Variants in SPATA6 observed in about 807,000 individuals in gnomAD.
SPATA6 encodes spermatogenesis-associated protein 6.
In SPATA6, 56 loss-of-function variants were observed where a neutral mutation model predicts 65.3. The ratio of observed to expected loss-of-function variants is 0.86; its 90% CI spans 0.69 to 1.07. SPATA6 has a LOEUF of 1.07. SPATA6 is among the 50% of genes least tolerant of loss of function. The pLI is 0.00. For synonymous variants in SPATA6, 199 were observed against 213.2 expected (o/e 0.93, Z 0.58); for missense variants, 590 against 594.8 (o/e 0.99, Z 0.08).
chr1:48,332,610 T>C (rs768871986), intron 11 of SPATA6, among the ~76,000 whole-genome samples: 14 of 152,122 alleles, frequency 9.2e-5, no homozygotes, highest in Non-Finnish European at 1.8e-4. Context: ...AGACTTAGAC[T>C]CCCACAGAAT....
intron 1 of SPATA6, among the ~76,000 whole-genome samples, chr1:48,457,808 G>GA (rs539722877): frequency 2.0e-4 from 31 of 151,948 alleles, no homozygotes; most frequent in Admixed American, 5.2e-4. Context: ...ACATTAAGAA[G>GA]AAAAAAGAGC....
Position 48,355,777 on chromosome 1 carries a change from C to T in SPATA6, c.1095-8G>A, listed in dbSNP as rs746921544. The T allele has an allele frequency of 1.2e-6, 2 of 1,602,210 alleles. No individual in the cohort carries two copies. The highest frequency in any genetic ancestry group is 1.7e-6 in the Non-Finnish European group (2 of 1,173,906). ...CACCAATCAGAATGAAATCTGTAGG[C>T]AAAAAATAAGTTTTATTTTTGTTAC... On this transcript the variant is annotated splice_region_variant and splice_polypyrimidine_tract_variant and intron_variant, in intron 10 of 12. Transcript: ENST00000371847.
At chr1:48,289,345 C>T in the SPATA6 span, among the ~76,000 whole-genome samples, 15 of 152,210 alleles carry the variant, frequency 9.9e-5, no homozygotes, top group East Asian at 2.9e-3. Context: ...CCCATCTGTA[C>T]ATCACCATCA....
At chr1:48,445,813 A>G (rs1303333326) in intron 3 of SPATA6, among the ~76,000 whole-genome samples, 1 of 152,142 alleles carries the variant, frequency 6.6e-6, no homozygotes, top group Non-Finnish European at 1.5e-5. Flanking sequence ...AGTATGGAAC[A>G]CAGACCTCTT....
chr1:48,275,652 G>A, the SPATA6 span, among the ~76,000 whole-genome samples: 4 of 151,986 alleles, frequency 2.6e-5, no homozygotes, highest in Admixed American at 1.3e-4. Flanking sequence ...TGATTGATTC[G>A]CATATGTTTT....
chr1:48,444,693 G>A (rs1421731986), intron 3 of SPATA6, among the ~76,000 whole-genome samples: 1 of 152,224 alleles, frequency 6.6e-6, no homozygotes, highest in Non-Finnish European at 1.5e-5. Flanking sequence ...CTTCCATGCT[G>A]TGGAAGCTTT....
intron 11 of SPATA6, among the ~76,000 whole-genome samples, chr1:48,339,809 C>T (rs1474882605): frequency 4.0e-5 from 6 of 151,580 alleles, no homozygotes; most frequent in Admixed American, 2.0e-4. Flanking sequence ...AATTGAACAC[C>T]CGAAGAGTAA....
chr1:48,435,914 T>C, intron 3 of SPATA6: 1 of 1,537,518 alleles, frequency 6.5e-7, no homozygotes, highest in African/African-American at 1.4e-5. Context: ...AACAAAAGCC[T>C]TCTTTGGAAT....
intron 11 of SPATA6, among the ~76,000 whole-genome samples, chr1:48,336,390 C>A (rs1350593796): frequency 6.6e-6 from 1 of 152,054 alleles, no homozygotes; most frequent in Non-Finnish European, 1.5e-5. Flanking sequence ...AACTGCCCAT[C>A]AACAGTAGAC....
intron 10 of SPATA6, among the ~76,000 whole-genome samples, chr1:48,356,334 T>C (rs752680157): frequency 7.9e-5 from 12 of 151,942 alleles, no homozygotes; most frequent in Non-Finnish European, 1.6e-4. Context: ...CTCTTTTGTA[T>C]GCCCTTCTCA....
intron 3 of SPATA6, among the ~76,000 whole-genome samples, chr1:48,445,942 T>C (rs1656008861): frequency 6.6e-6 from 1 of 152,134 alleles, no homozygotes; most frequent in African/African-American, 2.4e-5. Context: ...CAATTATAAA[T>C]GTATAAGCAA....
At chr1:48,395,611 T>C (rs1169265478) in intron 7 of SPATA6, among the ~76,000 whole-genome samples, 1 of 151,974 alleles carries the variant, frequency 6.6e-6, no homozygotes, top group Non-Finnish European at 1.5e-5. Context: ...AGACTTGGAA[T>C]TGAAATGTTT....
chr1:48,380,676 CAAT>C (rs1335364430), intron 9 of SPATA6, among the ~76,000 whole-genome samples: 16 of 152,122 alleles, frequency 1.1e-4, no homozygotes, highest in Non-Finnish European at 2.4e-4. Context: ...TAGGTACTAC[CAAT>C]TATTATCAAT....
intron 8 of SPATA6, among the ~76,000 whole-genome samples, chr1:48,391,182 T>C (rs1022322468): frequency 3.8e-5 from 5 of 131,638 alleles, no homozygotes; most frequent in Non-Finnish European, 7.9e-5. Context: ...CTAGGCAACA[T>C]GGTGAAACCC....
At chr1:48,374,006 T>A (rs1030429393) in intron 9 of SPATA6, among the ~76,000 whole-genome samples, 2 of 152,186 alleles carry the variant, frequency 1.3e-5, no homozygotes, top group African/African-American at 4.8e-5. Context: ...ATAATTTCCA[T>A]GCACAGTCTA....
intron 3 of SPATA6, among the ~76,000 whole-genome samples, chr1:48,445,124 G>T (rs780905762): frequency 4.6e-5 from 7 of 152,102 alleles, no homozygotes; most frequent in Non-Finnish European, 8.8e-5. Flanking sequence ...TTCCACATTG[G>T]TTCAATAATT....
In SPATA6 at chr1:48,413,135, G is replaced by A. The variant is rs866172896; in HGVS notation, c.255C>T (p.Phe85=). 1.4e-5 allele frequency: 20 copies of A among 1,395,976 alleles called. No individual in the cohort carries two copies. The highest frequency in any genetic ancestry group is 2.2e-4 in the Middle Eastern group (1 of 4,606). 86.5% of individuals were successfully genotyped at this position (1,395,976 alleles called of 1,614,324 possible). Residue 85 remains phenylalanine, a synonymous_variant, in exon 4 of 13, where the codon TTC becomes TTT. Transcript: ENST00000371847. ...CTGGTGGAACTAGCTGTATCAACTC[G>A]AACACTGCTGTATCATCTAAAAGTT... ...VTQLEYDTAV[F]ELIQLVPPVG...
intron 3 of SPATA6, among the ~76,000 whole-genome samples, chr1:48,446,878 G>C (rs1473093175): frequency 6.6e-6 from 1 of 151,826 alleles, no homozygotes; most frequent in Non-Finnish European, 1.5e-5. Context: ...AAATACAGTT[G>C]ACCTTGAACC....
chr1:48,290,603 T>C (rs150342153), downstream of SPATA6, among the ~76,000 whole-genome samples: 10,073 of 151,950 alleles, frequency 0.066, 423 homozygotes, highest in Non-Finnish European at 0.093. Context: ...AGGAGACCCA[T>C]CTCATGTGCA....
Sources: allele counts gnomAD v4.1 joint callset (sites outside exome capture counted in the v4.1 genomes callset), GRCh38; gene constraint gnomAD v4.1.1; transcripts MANE v1.5; gene names NCBI Gene and HGNC (gene_info 2026-07-23, HGNC 2026-07-21).